Variants in IDO2 observed in about 807,000 individuals in gnomAD.
The protein encoded by IDO2 is indoleamine 2,3-dioxygenase-like 1 protein.
Under a neutral mutation model 45.1 loss-of-function variants are expected in IDO2, and 46 were observed. That is an observed-to-expected ratio of 1.02 (90% CI 0.80 to 1.30). IDO2 has a LOEUF of 1.30. IDO2 is among the 50% of genes most tolerant of loss of function. The probability of loss-of-function intolerance (pLI) is 0.00; values close to 1 mark genes in which losing one functional copy is unlikely to be tolerated. For missense variants in IDO2, 544 were observed against 491.8 expected (o/e 1.11, Z -1.00); for synonymous variants, 218 against 184.9 (o/e 1.18, Z -1.45).
At chr8:40,012,978 G>A (rs2955892) in intron 9 of IDO2, among the ~76,000 whole-genome samples, 91,182 of 152,026 alleles carry the variant, frequency 0.6, 27,763 homozygotes, top group South Asian at 0.71. Context: ...ACATCTGTAC[G>A]TTATAGATTA....
intron 9 of IDO2, among the ~76,000 whole-genome samples, chr8:40,008,355 A>G (rs1802253873): frequency 1.3e-5 from 2 of 152,040 alleles, no homozygotes; most frequent in African/African-American, 4.8e-5. Context: ...CAGCACTGAC[A>G]ATTCTAATCC....
chr8:40,015,121 C>A (rs547748826), intron 10 of IDO2, 126 bp from the exon 11 acceptor site: 3 of 625,952 alleles, frequency 4.8e-6, no homozygotes, highest in Non-Finnish European at 8.3e-6. Flanking sequence ...CACCACTGCA[C>A]TCCAGCCTGG....
At chr8:39,953,725 C>T (rs1456298254) in intron 2 of IDO2, among the ~76,000 whole-genome samples, 1 of 152,118 alleles carries the variant, frequency 6.6e-6, no homozygotes, top group Admixed American at 6.6e-5. Context: ...ACCAACCACA[C>T]CCAGCTAATT....
intron 2 of IDO2, among the ~76,000 whole-genome samples, chr8:39,958,522 A>G (rs956754256): frequency 1.3e-5 from 2 of 152,114 alleles, no homozygotes; most frequent in Admixed American, 1.3e-4. Context: ...TCAACCTCCT[A>G]AGTAGCTGGG....
At chr8:39,942,201 A>T (rs981499465) in intron 1 of IDO2, among the ~76,000 whole-genome samples, 2 of 152,260 alleles carry the variant, frequency 1.3e-5, no homozygotes, top group African/African-American at 4.8e-5. Context: ...ATAGTTTCTC[A>T]TTAATTCATC....
Position 40,013,068 on chromosome 8 carries a change from GGTGT to G in IDO2, c.720-482_720-479del, listed in dbSNP as rs137982997. 1.3e-3 allele frequency among the ~76,000 whole-genome samples: 198 copies of G among 151,130 alleles called. 1 individual carries two copies. Among genetic ancestry groups the G allele is most frequent in the African/African-American group, 4.5e-3 (187 of 41,306 alleles). On this transcript the variant is annotated intron_variant, in intron 9 of 10. Transcript: ENST00000502986. ...TATCACTGTTTCAGGGAAGGGCAAAGGTGTGTGTGTGTGTGTGTTCATCTGTGTG... is the reference window on the plus strand; with the variant it reads ...TATCACTGTTTCAGGGAAGGGCAAAGGTGTGTGTGTGTGTTCATCTGTGTG...
chr8:39,981,058 T>A (rs1808342019), intron 4 of IDO2, among the ~76,000 whole-genome samples: 1 of 122,460 alleles, frequency 8.2e-6, no homozygotes, highest in Admixed American at 9.7e-5. Flanking sequence ...GGCCAGTGCA[T>A]TGCATTTTTT....
At chr8:39,936,802 G>A (rs1194673156) in intron 1 of IDO2, among the ~76,000 whole-genome samples, 2 of 152,186 alleles carry the variant, frequency 1.3e-5, no homozygotes, top group South Asian at 2.1e-4. Context: ...ATTAGGGGGT[G>A]TTCCATTTGT....
chr8:39,995,251 C>CTTCTTCTTCTTCTT (rs1554548609), intron 8 of IDO2: 3 of 78,026 alleles, frequency 3.8e-5, no homozygotes, highest in African/African-American at 1.0e-4. Flanking sequence ...TTCTCCTTCT[C>CTTCTTCTTCTTCTT]CTTCTTCTTC....
At chr8:40,004,926 TC>T (rs2129595331) in intron 8 of IDO2, among the ~76,000 whole-genome samples, 1 of 152,350 alleles carries the variant, frequency 6.6e-6, no homozygotes, top group African/African-American at 2.4e-5. Flanking sequence ...CAGTTAAGCA[TC>T]GGTGAATTTA....
intron 10 of IDO2, among the ~76,000 whole-genome samples, chr8:40,014,065 G>A (rs974202147): frequency 3.4e-4 from 52 of 152,270 alleles, no homozygotes; most frequent in Middle Eastern, 3.4e-3. Flanking sequence ...CTGGAAACAG[G>A]TCTGGGATCT....
intron 1 of IDO2, among the ~76,000 whole-genome samples, chr8:39,943,207 A>C (rs1389943086): frequency 1.3e-5 from 2 of 152,012 alleles, no homozygotes; most frequent in East Asian, 1.9e-4. Flanking sequence ...GTCTTTAAGA[A>C]AAATGCAAAA....
At chr8:40,012,510 T>A (rs951490913) in intron 9 of IDO2, among the ~76,000 whole-genome samples, 4 of 152,150 alleles carry the variant, frequency 2.6e-5, no homozygotes, top group Non-Finnish European at 5.9e-5. Flanking sequence ...AGAGGTCAAA[T>A]GAGAAAATGA....
At chr8:39,965,760 A>G (rs1808075722) in intron 3 of IDO2, among the ~76,000 whole-genome samples, 1 of 152,068 alleles carries the variant, frequency 6.6e-6, no homozygotes. Flanking sequence ...TAGAATTGGA[A>G]TGATGCATTG....
chr8:39,979,122 A>C lies in IDO2; in HGVS notation c.251A>C (p.His84Pro), dbSNP rs370957046. 1.0e-4 allele frequency: 164 copies of C among 1,602,980 alleles called. 1 individual carries two copies. Among genetic ancestry groups the C allele is most frequent in the Middle Eastern group, 3.3e-4 (2 of 6,052 alleles). Residue 84 changes from histidine (H) to proline (P), a missense_variant, in exon 4 of 11, where the codon CAC becomes CCC. Physicochemically the swap from His to Pro is moderately conservative, Grantham distance 77. Transcript: ENST00000502986. The stretch of plus-strand genomic sequence containing the variant: ...GGTCACCGGGAGCAGCGCCTGGCCC[A>C]CCTGGTCCTGAGCTTCCTCACCATG...
intron 3 of IDO2, 71 bp downstream of exon 3, chr8:39,963,774 G>A (rs1808036508): frequency 1.3e-5 from 11 of 873,414 alleles, no homozygotes; most frequent in Non-Finnish European, 1.8e-5. Context: ...TTAGCCTTGT[G>A]GAAGTGTGTC....
intron 9 of IDO2, among the ~76,000 whole-genome samples, chr8:40,007,692 T>C (rs1802243250): frequency 6.6e-6 from 1 of 152,236 alleles, no homozygotes; most frequent in Admixed American, 6.5e-5. Context: ...TCTAAATCTG[T>C]ATGTTTTCCC....
intron 1 of IDO2, among the ~76,000 whole-genome samples, chr8:39,939,546 C>CAAA (rs55892879): frequency 1.4e-4 from 10 of 71,266 alleles, no homozygotes; most frequent in South Asian, 5.8e-4. Flanking sequence ...GACTCTGTCT[C>CAAA]AAAAAAAAAA....
chr8:39,951,800 A>G (rs931852663), intron 2 of IDO2, among the ~76,000 whole-genome samples: 2 of 152,240 alleles, frequency 1.3e-5, no homozygotes, highest in Non-Finnish European at 2.9e-5. Flanking sequence ...TGAGCTGAGG[A>G]AAAACAGTAT....
Sources: gnomAD v4.1 joint callset for allele counts (sites outside exome capture counted in the v4.1 genomes callset) on GRCh38, gnomAD v4.1.1 for gene constraint, MANE v1.5 for transcripts, NCBI Gene and HGNC (gene_info 2026-07-23, HGNC 2026-07-21) for gene names.